The following AGTPBP1 variants were observed in gnomAD, a reference collection of about 807,000 sequenced individuals.
AGTPBP1 encodes cytosolic carboxypeptidase 1.
AGTPBP1 carries 70 observed loss-of-function variants against 143.9 expected under a neutral mutation model. The observed-to-expected ratio is 0.49, with a 90% CI of 0.40 to 0.59. The LOEUF is 0.59. AGTPBP1 is among the 20% of genes least tolerant of loss of function. AGTPBP1 has a pLI of 0.00. For synonymous variants in AGTPBP1, 463 were observed against 500.2 expected (o/e 0.93, Z 0.99); for missense variants, 1,229 against 1,464.5 (o/e 0.84, Z 2.62).
intron 1 of AGTPBP1, among the ~76,000 whole-genome samples, chr9:85,714,953 T>TTAGCCTGTGCCCGG (rs1345049581): frequency 6.6e-6 from 1 of 151,976 alleles, no homozygotes; most frequent in African/African-American, 2.4e-5. Context: ...TAGCAGCTTA[T>TTAGCCTGTGCCCGG]CAAAAATAAA....
At chr9:85,650,259 GA>G (rs918658639) in intron 11 of AGTPBP1, among the ~76,000 whole-genome samples, 3 of 151,822 alleles carry the variant, frequency 2.0e-5, no homozygotes, top group Non-Finnish European at 4.4e-5. Context: ...AGTGACCCTT[GA>G]AAAATGTAAG....
chr9:85,692,933 G>A (rs1003509820), intron 2 of AGTPBP1, 120 bp from the exon 3 acceptor site: 24 of 1,113,548 alleles, frequency 2.2e-5, no homozygotes, highest in African/African-American at 6.3e-5. Flanking sequence ...TTTACACGTC[G>A]CACTTCCTTA....
At chr9:85,787,087 C>T in the AGTPBP1 span, among the ~76,000 whole-genome samples, 2 of 152,138 alleles carry the variant, frequency 1.3e-5, no homozygotes. Flanking sequence ...TGGATTGAGG[C>T]TCATTTACAG....
intron 1 of AGTPBP1, among the ~76,000 whole-genome samples, chr9:85,726,296 A>G (rs546307408): frequency 1.1e-4 from 16 of 152,230 alleles, no homozygotes; most frequent in South Asian, 6.2e-4. Context: ...GTTACCCCCA[A>G]TGTTTTGCTA....
the AGTPBP1 span, among the ~76,000 whole-genome samples, chr9:85,789,982 G>T: frequency 1.3e-5 from 2 of 152,178 alleles, no homozygotes; most frequent in South Asian, 4.1e-4. Flanking sequence ...AAACAGTGGG[G>T]TATCAGTATT....
chr9:85,552,266 C>A (rs977825761), intron 25 of AGTPBP1, among the ~76,000 whole-genome samples: 17 of 152,168 alleles, frequency 1.1e-4, no homozygotes, highest in African/African-American at 3.4e-4. Context: ...ATAATTCCAA[C>A]TGATTTCTGA....
chr9:85,742,618 T>G (rs773783636), upstream of AGTPBP1, among the ~76,000 whole-genome samples: 43 of 152,200 alleles, frequency 2.8e-4, no homozygotes, highest in Non-Finnish European at 5.6e-4. Context: ...GCATGCTGAT[T>G]TACTGTTTTT....
At chr9:85,659,487 C>A (rs1403565380) in intron 9 of AGTPBP1, among the ~76,000 whole-genome samples, 3 of 151,990 alleles carry the variant, frequency 2.0e-5, no homozygotes, top group Non-Finnish European at 4.4e-5. Flanking sequence ...AAACTGAAGT[C>A]ATTCTACTTG....
chr9:85,726,110 G>A (rs1052412639), intron 1 of AGTPBP1, among the ~76,000 whole-genome samples: 31 of 147,942 alleles, frequency 2.1e-4, no homozygotes, highest in African/African-American at 7.5e-4. Flanking sequence ...TGCACCTATG[G>A]TCCCAGCTAC....
At chr9:85,710,990 T>TA (rs148013656) in intron 2 of AGTPBP1, among the ~76,000 whole-genome samples, 2,254 of 152,306 alleles carry the variant, frequency 0.015, 25 homozygotes, top group Middle Eastern at 0.037. Context: ...ATGTATTACA[T>TA]GTTAATAACT....
intron 14 of AGTPBP1, among the ~76,000 whole-genome samples, chr9:85,623,706 G>A (rs1419163931): frequency 6.6e-6 from 1 of 151,182 alleles, no homozygotes; most frequent in Non-Finnish European, 1.5e-5. Context: ...GCAGTGAGCT[G>A]AGATTGTGCC....
intron 3 of AGTPBP1, among the ~76,000 whole-genome samples, chr9:85,684,417 T>C (rs1404239445): frequency 6.6e-6 from 1 of 152,152 alleles, no homozygotes; most frequent in Non-Finnish European, 1.5e-5. Context: ...TCTACCTTCT[T>C]ATGAACCTTT....
the AGTPBP1 span, chr9:85,765,119 A>C: frequency 2.2e-6 from 1 of 462,728 alleles, no homozygotes; most frequent in Non-Finnish European, 4.0e-6. Flanking sequence ...ATATCCTTAC[A>C]TAGTGGTCCA....
chr9:85,637,751 A>C (rs1832167878), intron 13 of AGTPBP1, among the ~76,000 whole-genome samples: 1 of 152,234 alleles, frequency 6.6e-6, no homozygotes, highest in Non-Finnish European at 1.5e-5. Flanking sequence ...TAAATGTGTC[A>C]AAACTCACTG....
chr9:85,688,019 G>A (rs1219750343), intron 3 of AGTPBP1, among the ~76,000 whole-genome samples: 2 of 146,000 alleles, frequency 1.4e-5, no homozygotes, highest in African/African-American at 2.6e-5. Context: ...GAACCCAGGA[G>A]GCAGAGGTTG....
chr9:85,760,065 C>T, the AGTPBP1 span, among the ~76,000 whole-genome samples: 1 of 152,052 alleles, frequency 6.6e-6, no homozygotes, highest in Non-Finnish European at 1.5e-5. Context: ...CAAGACTAAA[C>T]CAGGAGGAAG....
chr9:85,751,164 CAG>C, the AGTPBP1 span, among the ~76,000 whole-genome samples: 2 of 152,188 alleles, frequency 1.3e-5, no homozygotes, highest in African/African-American at 4.8e-5. Context: ...AAAACTCAGA[CAG>C]AGGACAATTG....
intron 3 of AGTPBP1, among the ~76,000 whole-genome samples, chr9:85,687,665 A>T (rs760238196): frequency 6.6e-6 from 1 of 152,236 alleles, no homozygotes; most frequent in Non-Finnish European, 1.5e-5. Context: ...TTGTCAACTG[A>T]ATCAAAACAA....
intron 17 of AGTPBP1, among the ~76,000 whole-genome samples, chr9:85,604,375 T>C (rs918540895): frequency 6.6e-6 from 1 of 152,196 alleles, no homozygotes; most frequent in Non-Finnish European, 1.5e-5. Flanking sequence ...AAAGGTGGTA[T>C]CTCTACAAGT....
Sources: gnomAD v4.1 joint callset for allele counts (sites outside exome capture counted in the v4.1 genomes callset) on GRCh38, gnomAD v4.1.1 for gene constraint, MANE v1.5 for transcripts, NCBI Gene and HGNC (gene_info 2026-07-23, HGNC 2026-07-21) for gene names.